The following BLVRA variants were observed in gnomAD, a reference collection of about 807,000 sequenced individuals.
The protein encoded by BLVRA is BVR A.
BLVRA carries 22 observed loss-of-function variants against 32.8 expected under a neutral mutation model. The observed-to-expected ratio is 0.67, with a 90% CI of 0.48 to 0.96. The LOEUF (loss-of-function observed/expected upper bound fraction) is 0.96, where lower values mean the gene tolerates loss of function less well. Among genes scored for constraint, BLVRA ranks in the 40% least tolerant of loss-of-function variants. The pLI is 0.00. For synonymous variants in BLVRA, 119 were observed against 141.3 expected (o/e 0.84, Z 1.12); for missense variants, 323 against 358.1 (o/e 0.90, Z 0.79).
At chr7:43,779,256 C>T (rs141628902) in intron 2 of BLVRA, among the ~76,000 whole-genome samples, 3,939 of 152,322 alleles carry the variant, frequency 0.026, 93 homozygotes, top group Non-Finnish European at 0.032. Flanking sequence ...AGCTGTAGAC[C>T]GGAGCTGTTC....
intron 5 of BLVRA, among the ~76,000 whole-genome samples, chr7:43,795,079 C>T (rs948876486): frequency 2.0e-5 from 3 of 152,060 alleles, no homozygotes; most frequent in African/African-American, 7.2e-5. Context: ...GGCCTGGTGG[C>T]ACGTGCCTGT....
chr7:43,772,278 C>A (rs968844076), intron 2 of BLVRA, among the ~76,000 whole-genome samples: 4 of 152,212 alleles, frequency 2.6e-5, no homozygotes, highest in Non-Finnish European at 5.9e-5. Flanking sequence ...GCAGTTGGGG[C>A]CACATATGTT....
At chr7:43,785,166 G>A (rs777804673) in intron 2 of BLVRA, among the ~76,000 whole-genome samples, 3 of 151,670 alleles carry the variant, frequency 2.0e-5, no homozygotes, top group Non-Finnish European at 4.4e-5. Context: ...GTAGTAATAC[G>A]GTAACCTTAA....
At chr7:43,798,262 G>C (rs1326172938) in intron 5 of BLVRA, among the ~76,000 whole-genome samples, 1 of 146,388 alleles carries the variant, frequency 6.8e-6, no homozygotes, top group Non-Finnish European at 1.5e-5. Flanking sequence ...TGTTCTGTCA[G>C]GTAACATCCA....
rs1563533682 is a variant in BLVRA, at chr7:43,762,605, C to CT, written c.-22+3871_-22+3872insT. Reference sequence around the variant, plus strand: ...AGTGATTTCCATGAACCCAGTAGTTCCTTTTTTTTTTTTTTTTTTTTTTTA... The same window carrying CT: ...AGTGATTTCCATGAACCCAGTAGTTCTCTTTTTTTTTTTTTTTTTTTTTTTA... On this transcript the variant is annotated intron_variant, in intron 1 of 7. Coordinates refer to ENST00000265523, the MANE Select transcript of BLVRA (RefSeq NM_000712.4). Among the ~76,000 whole-genome samples, 98 of 118,656 alleles carry CT rather than the reference C, an allele frequency of 8.3e-4. 6 individuals are homozygous for CT. The highest frequency in any genetic ancestry group is 1.1e-3 in the South Asian group (4 of 3,794). 77.8% of individuals were successfully genotyped at this position (118,656 alleles called of 152,430 possible).
intron 2 of BLVRA, among the ~76,000 whole-genome samples, chr7:43,782,611 G>GT (rs1218882027): frequency 6.6e-6 from 1 of 152,136 alleles, no homozygotes; most frequent in Admixed American, 6.6e-5. Context: ...TGGCATAGAG[G>GT]TGGTCATGGA....
Position 43,791,263 on chromosome 7 carries a change from G to A in BLVRA, c.149G>A (p.Ser50Asn). 1 of 1,614,202 alleles carries A rather than the reference G, an allele frequency of 6.2e-7. No individual in the cohort carries two copies. The change falls in exon 4 of 8, where the codon AGC (serine) becomes AAC (asparagine). Residue 50 changes from serine (S) to asparagine (N), a missense_variant. By Grantham distance (46) the Ser-to-Asn change is conservative (BLOSUM62 1). Transcript: ENST00000265523. ...CTCTGAAATAGAAGGGAGCTCGGGAGCATTGATGGAGTCCAGCAGATTTCT... is the reference window on the plus strand; with the variant it reads ...CTCTGAAATAGAAGGGAGCTCGGGAACATTGATGGAGTCCAGCAGATTTCT... Reference protein sequence around the residue: ...IGFVSRRELGSIDGVQQISLE... With the variant: ...IGFVSRRELGNIDGVQQISLE...
At chr7:43,775,813 T>A (rs555897230) in intron 2 of BLVRA, among the ~76,000 whole-genome samples, 16 of 152,364 alleles carry the variant, frequency 1.1e-4, no homozygotes, top group African/African-American at 3.8e-4. Flanking sequence ...TGCCACAATT[T>A]CAGAGCCTGT....
At chr7:43,780,442 G>T (rs1289513337) in intron 2 of BLVRA, among the ~76,000 whole-genome samples, 1 of 152,218 alleles carries the variant, frequency 6.6e-6, no homozygotes, top group Non-Finnish European at 1.5e-5. Flanking sequence ...AAAAATGTAA[G>T]TGTGGTACTC....
chr7:43,792,663 AGT>A (rs1239861107), intron 4 of BLVRA, 50 bp from the exon 5 acceptor site: 25 of 1,496,474 alleles, frequency 1.7e-5, no homozygotes, highest in Non-Finnish European at 2.2e-5. Context: ...AGAGCATTTC[AGT>A]GAAGCTTATT....
chr7:43,803,610 C>CCCCCT, intron 6 of BLVRA, 66 bp from the exon 7 acceptor site: 2 of 1,471,918 alleles, frequency 1.4e-6, no homozygotes, highest in Non-Finnish European at 1.9e-6. Flanking sequence ...ACCCCCACCC[C>CCCCCT]CCTGTCCTGC....
At chr7:43,773,703 G>A (rs1259227313) in intron 2 of BLVRA, among the ~76,000 whole-genome samples, 1 of 152,194 alleles carries the variant, frequency 6.6e-6, no homozygotes, top group African/African-American at 2.4e-5. Flanking sequence ...AGATCCCTGA[G>A]GAATCGCCAC....
At chr7:43,779,964 C>T (rs2132562730) in intron 2 of BLVRA, among the ~76,000 whole-genome samples, 1 of 152,078 alleles carries the variant, frequency 6.6e-6, no homozygotes, top group Non-Finnish European at 1.5e-5. Context: ...ACCTCTGCCT[C>T]CCGGGTTCAT....
At chr7:43,785,338 A>C (rs2095776000) in intron 2 of BLVRA, among the ~76,000 whole-genome samples, 1 of 151,746 alleles carries the variant, frequency 6.6e-6, no homozygotes, top group Non-Finnish European at 1.5e-5. Context: ...TTACCAAAAA[A>C]AAAAAAAAAG....
intron 2 of BLVRA, among the ~76,000 whole-genome samples, chr7:43,775,846 A>G (rs2095760219): frequency 6.6e-6 from 1 of 152,112 alleles, no homozygotes; most frequent in South Asian, 2.1e-4. Flanking sequence ...CAGAGATTCA[A>G]CTTCTTCCTG....
chr7:43,762,275 C>T (rs1386833174), intron 1 of BLVRA, among the ~76,000 whole-genome samples: 3 of 151,972 alleles, frequency 2.0e-5, no homozygotes, highest in African/African-American at 4.8e-5. Flanking sequence ...GGATGTTTTG[C>T]AGCATCCCTG....
intron 2 of BLVRA, among the ~76,000 whole-genome samples, chr7:43,775,293 T>C (rs899466113): frequency 5.0e-4 from 76 of 152,338 alleles, no homozygotes; most frequent in Middle Eastern, 3.4e-3. Flanking sequence ...AGATAGCTCT[T>C]ATTATTTTGA....
Position 43,803,379 on chromosome 7 carries a change from T to G in BLVRA, c.461-297T>G, listed in dbSNP as rs367921271. ...GATGTATATATTAGAAGCCTGAAACTTTTTTATTATCCTGTTTGGCTGGAT... is the reference window on the plus strand; with the variant it reads ...GATGTATATATTAGAAGCCTGAAACGTTTTTATTATCCTGTTTGGCTGGAT... On this transcript the variant is annotated intron_variant, in intron 6 of 7. Coordinates refer to ENST00000265523, the MANE Select transcript of BLVRA (RefSeq NM_000712.4). 4.6e-5 allele frequency among the ~76,000 whole-genome samples: 7 copies of G among 152,162 alleles called. No homozygotes were observed. In the East Asian group the frequency reaches 1.2e-3, roughly 25 times the overall value.
At chr7:43,777,971 C>T (rs1283988801) in intron 2 of BLVRA, among the ~76,000 whole-genome samples, 6 of 152,336 alleles carry the variant, frequency 3.9e-5, no homozygotes, top group African/African-American at 1.2e-4. Context: ...ACGTAGTTCT[C>T]GAGCCTTGGC....
Sources: allele counts gnomAD v4.1 joint callset (sites outside exome capture counted in the v4.1 genomes callset), GRCh38; gene constraint gnomAD v4.1.1; transcripts MANE v1.5; gene names NCBI Gene and HGNC (gene_info 2026-07-23, HGNC 2026-07-21).